RERE: variants seen among roughly 807,000 people sequenced by gnomAD.
RERE encodes the protein arginine-glutamic acid dipeptide repeats, also known as arginine-glutamic acid dipeptide repeats protein.
Under a neutral mutation model 146.1 loss-of-function variants are expected in RERE, and 40 were observed. The ratio of observed to expected loss-of-function variants is 0.27; its 90% CI spans 0.21 to 0.36. RERE has a LOEUF of 0.36. RERE is among the 10% of genes least tolerant of loss of function. The pLI is 1.00. For missense variants in RERE, 1,933 were observed against 2,138.7 expected (o/e 0.90, Z 1.90); for synonymous variants, 1,003 against 866.0 (o/e 1.16, Z -2.78).
chr1:8,387,967 G>C (rs1246810838), intron 12 of RERE, among the ~76,000 whole-genome samples: 4 of 152,192 alleles, frequency 2.6e-5, no homozygotes, highest in African/African-American at 9.7e-5. Flanking sequence ...GTTTACAGCA[G>C]AACTGTATGC....
chr1:8,374,169 A>C (rs1357885696), intron 12 of RERE, among the ~76,000 whole-genome samples: 3 of 152,182 alleles, frequency 2.0e-5, no homozygotes, highest in Non-Finnish European at 4.4e-5. Flanking sequence ...CACAGTGAGG[A>C]GGCAGCTGCC....
chr1:8,403,117 G>A lies in RERE; in HGVS notation c.1284+19610C>T, dbSNP rs191605589. On this transcript the variant is annotated intron_variant, in intron 12 of 22. Coordinates refer to ENST00000400908, the MANE Select transcript of RERE (RefSeq NM_001042681.2). ...TTTCACCATGTTGGCCTGGCTGGTT[G>A]CAAATTCCTGACCCCGTGATCTGCC... Among the ~76,000 whole-genome samples, 12 of 151,464 alleles carry A rather than the reference G, an allele frequency of 7.9e-5. No homozygotes were observed. The East Asian group carries it at 1.8e-3, about 22-fold the overall frequency.
intron 1 of RERE, among the ~76,000 whole-genome samples, chr1:8,724,917 T>A (rs1639931560): frequency 6.7e-6 from 1 of 150,334 alleles, no homozygotes; most frequent in South Asian, 2.1e-4. Flanking sequence ...CCTAGAAACT[T>A]TCTAATTAAC....
At chr1:8,546,256 C>T (rs1645860549) in intron 6 of RERE, among the ~76,000 whole-genome samples, 1 of 150,952 alleles carries the variant, frequency 6.6e-6, no homozygotes, top group African/African-American at 2.4e-5. Context: ...GTTGGGACTA[C>T]AGGTGTGGGC....
chr1:8,597,786 T>A (rs1261812299), intron 4 of RERE, among the ~76,000 whole-genome samples: 1 of 4,038 alleles, frequency 2.5e-4, no homozygotes, highest in South Asian at 2.3e-3. Flanking sequence ...TTTCACTGGA[T>A]TTTTTTTTTT....
chr1:8,791,348 G>C (rs1557545151), intron 1 of RERE, among the ~76,000 whole-genome samples: 1 of 152,200 alleles, frequency 6.6e-6, no homozygotes, highest in Non-Finnish European at 1.5e-5. Flanking sequence ...CTGTATTTTA[G>C]TGGGGTTTTT....
chr1:8,789,256 G>C (rs1403559802), intron 1 of RERE, among the ~76,000 whole-genome samples: 3 of 112,482 alleles, frequency 2.7e-5, no homozygotes, highest in Non-Finnish European at 5.2e-5. Context: ...ACCAGCCTGG[G>C]CAACACAGCA....
rs1389026801 is a variant in RERE, at chr1:8,790,226, GA to G, written c.-145+26933del. 1.6e-4 allele frequency among the ~76,000 whole-genome samples: 24 copies of G among 152,050 alleles called. 1 individual carries two copies. Among genetic ancestry groups the G allele is most frequent in the Admixed American group, 1.4e-3 (22 of 15,252 alleles). On this transcript the variant is annotated intron_variant, in intron 1 of 22. Transcript: ENST00000400908. Reference sequence around the variant, plus strand: ...AGACTTATGTGCTCCTTTGGGACAGGAAATGGCATATGTACTGAAACGCGAG... The same window carrying G: ...AGACTTATGTGCTCCTTTGGGACAGGAATGGCATATGTACTGAAACGCGAG...
At chr1:8,482,410 G>T (rs923705406) in intron 10 of RERE, among the ~76,000 whole-genome samples, 1 of 152,110 alleles carries the variant, frequency 6.6e-6, no homozygotes, top group African/African-American at 2.4e-5. Flanking sequence ...GGCTGGGTGT[G>T]GTGGTTCATG....
intron 4 of RERE, among the ~76,000 whole-genome samples, chr1:8,602,149 G>A (rs1453736994): frequency 6.6e-6 from 1 of 152,198 alleles, no homozygotes; most frequent in Admixed American, 6.5e-5. Context: ...CCAACACTTT[G>A]GGAGGCCGAA....
intron 4 of RERE, among the ~76,000 whole-genome samples, chr1:8,608,501 C>T (rs968648280): frequency 2.0e-5 from 3 of 152,046 alleles, no homozygotes; most frequent in Non-Finnish European, 4.4e-5. Context: ...GAGACCCTGT[C>T]TGTAAAATCA....
intron 1 of RERE, among the ~76,000 whole-genome samples, chr1:8,721,740 A>G (rs1320520718): frequency 6.6e-6 from 1 of 152,162 alleles, no homozygotes; most frequent in Non-Finnish European, 1.5e-5. Context: ...TAGAAATTTT[A>G]ATTACTATCT....
intron 1 of RERE, among the ~76,000 whole-genome samples, chr1:8,719,267 C>T (rs969790358): frequency 6.6e-6 from 1 of 152,118 alleles, no homozygotes; most frequent in Non-Finnish European, 1.5e-5. Context: ...CATCAGTCAC[C>T]ACTAGGGAGA....
intron 12 of RERE, among the ~76,000 whole-genome samples, chr1:8,410,965 A>G (rs1643598445): frequency 6.6e-6 from 1 of 152,172 alleles, no homozygotes; most frequent in African/African-American, 2.4e-5. Context: ...TTTTACATTC[A>G]CACTATCTAG....
At chr1:8,452,968 T>C (rs779210822) in intron 11 of RERE, among the ~76,000 whole-genome samples, 2 of 152,200 alleles carry the variant, frequency 1.3e-5, no homozygotes, top group African/African-American at 2.4e-5. Flanking sequence ...GTGATGCTCA[T>C]GGACTCCTCT....
intron 1 of RERE, among the ~76,000 whole-genome samples, chr1:8,738,443 C>T (rs1253034264): frequency 1.3e-5 from 2 of 152,100 alleles, no homozygotes; most frequent in African/African-American, 4.8e-5. Context: ...GCCTCAGCCT[C>T]CCAAAGTGCT....
intron 10 of RERE, among the ~76,000 whole-genome samples, chr1:8,488,694 C>G (rs1297029346): frequency 6.6e-6 from 1 of 152,050 alleles, no homozygotes; most frequent in Admixed American, 6.5e-5. Flanking sequence ...CTACAGTATT[C>G]AAAACACAGA....
intron 4 of RERE, among the ~76,000 whole-genome samples, chr1:8,582,474 A>C (rs376302560): frequency 1.3e-5 from 2 of 151,476 alleles, no homozygotes; most frequent in African/African-American, 4.9e-5. Flanking sequence ...GCTGGTCTCA[A>C]ACTCCTGGCC....
In RERE at chr1:8,531,059, A is replaced by ATCTG. The variant is rs2124367781; in HGVS notation, c.830+10154_830+10155insCAGA. On this transcript the variant is annotated intron_variant, in intron 7 of 22. Coordinates refer to ENST00000400908, the MANE Select transcript of RERE (RefSeq NM_001042681.2). ...TATCTATCTATCTATCTATCTATCT[A>ATCTG]TCTATCTATCTAACTTTCTATCTAT... Among the ~76,000 whole-genome samples, 3 of 147,586 alleles carry ATCTG rather than the reference A, an allele frequency of 2.0e-5. 1 individual carries two copies. The East Asian group carries it at 6.0e-4, about 29-fold the overall frequency.
Sources: gnomAD v4.1 joint callset for allele counts (sites outside exome capture counted in the v4.1 genomes callset) on GRCh38, gnomAD v4.1.1 for gene constraint, MANE v1.5 for transcripts, NCBI Gene and HGNC (gene_info 2026-07-23, HGNC 2026-07-21) for gene names.